The following ARHGEF26 variants were observed in gnomAD, a reference collection of about 807,000 sequenced individuals.
ARHGEF26 encodes the protein Rho guanine nucleotide exchange factor 26.
In ARHGEF26, 59 loss-of-function variants were observed where a neutral mutation model predicts 89.4. That is an observed-to-expected ratio of 0.66 (90% CI 0.54 to 0.82). ARHGEF26 has a LOEUF of 0.82. ARHGEF26 is among the 40% of genes least tolerant of loss of function. The probability of loss-of-function intolerance (pLI) is 0.00; values close to 1 mark genes in which losing one functional copy is unlikely to be tolerated. For synonymous variants in ARHGEF26, 500 were observed against 428.4 expected (o/e 1.17, Z -2.06); for missense variants, 1,234 against 1,085.6 (o/e 1.14, Z -1.92).
Position 154,189,334 on chromosome 3 carries a change from A to ATTT in ARHGEF26, c.1640+1516_1640+1518dup, listed in dbSNP as rs35633646. Among the ~76,000 whole-genome samples the ATTT allele has an allele frequency of 5.4e-4, 61 of 112,264 alleles. 1 individual carries two copies. Among genetic ancestry groups the ATTT allele is most frequent in the Non-Finnish European group, 7.3e-4 (41 of 56,396 alleles). The allele number at this position is 112,264 out of a possible 152,430, so 73.6% of individuals were successfully genotyped here. On this transcript the variant is annotated intron_variant, in intron 7 of 14. Coordinates refer to ENST00000465093, the MANE Select transcript of ARHGEF26 (RefSeq NM_015595.4). ...CAGGGGATTTGTTGCAGTTGATGTG[A>ATTT]TTTTTTTTTTTTTTTTTTTTTGAGA...
chr3:154,183,558 A>AT (rs1367255924), intron 6 of ARHGEF26, among the ~76,000 whole-genome samples: 1 of 152,116 alleles, frequency 6.6e-6, no homozygotes, highest in African/African-American at 2.4e-5. Context: ...ATCATACCTC[A>AT]TTTTTTAGAA....
chr3:154,129,843 G>A, intron 4 of ARHGEF26, 124 bp downstream of exon 4: 1 of 1,162,016 alleles, frequency 8.6e-7, no homozygotes, highest in South Asian at 1.7e-5. Flanking sequence ...ACTCTTTTTA[G>A]ATTGTGAAAT....
At chr3:154,219,962 CAGTT>C (rs1406214594) in intron 10 of ARHGEF26, among the ~76,000 whole-genome samples, 5 of 130,318 alleles carry the variant, frequency 3.8e-5, no homozygotes, top group African/African-American at 1.5e-4. Context: ...TGATTAACAT[CAGTT>C]GAGTTCCTGA....
intron 6 of ARHGEF26, among the ~76,000 whole-genome samples, chr3:154,162,419 G>C (rs541672051): frequency 6.6e-6 from 1 of 152,218 alleles, no homozygotes; most frequent in South Asian, 2.1e-4. Flanking sequence ...TAGCATCTGG[G>C]CATCAATTTT....
At chr3:154,228,436 C>CTTTTTTTTTTTTTT (rs71744878) in intron 11 of ARHGEF26, among the ~76,000 whole-genome samples, 2 of 141,546 alleles carry the variant, frequency 1.4e-5, no homozygotes, top group Non-Finnish European at 3.1e-5. Context: ...CGCACCTGGC[C>CTTTTTTTTTTTTTT]TTTTTTTTTT....
At chr3:154,138,543 A>C (rs6794263) in intron 4 of ARHGEF26, among the ~76,000 whole-genome samples, 31,453 of 152,154 alleles carry the variant, frequency 0.21, 4,096 homozygotes, top group East Asian at 0.47. Flanking sequence ...TTCTGAGAGA[A>C]CAGTGAAGTG....
intron 12 of ARHGEF26, among the ~76,000 whole-genome samples, chr3:154,246,802 TG>T: frequency 6.6e-6 from 1 of 152,318 alleles, no homozygotes; most frequent in South Asian, 2.1e-4. Flanking sequence ...CAGGACCAAC[TG>T]ATGGATTGGA....
At chr3:154,186,863 T>C in intron 6 of ARHGEF26, among the ~76,000 whole-genome samples, 1 of 149,432 alleles carries the variant, frequency 6.7e-6, no homozygotes, top group East Asian at 2.0e-4. Flanking sequence ...GAAAAAAACA[T>C]ATACTGTTAG....
intron 6 of ARHGEF26, among the ~76,000 whole-genome samples, chr3:154,173,428 A>G (rs9876852): frequency 0.18 from 27,711 of 152,174 alleles, 2,955 homozygotes; most frequent in South Asian, 0.37. Context: ...TACTCCTGTA[A>G]TTGAACTGTA....
intron 6 of ARHGEF26, among the ~76,000 whole-genome samples, chr3:154,163,789 T>A (rs1158174146): frequency 4.6e-5 from 7 of 152,222 alleles, no homozygotes; most frequent in Non-Finnish European, 8.8e-5. Flanking sequence ...ATCTTTAGCA[T>A]AAGCAGTCTG....
rs562588042 is a variant in ARHGEF26 at position 154,139,352 on chromosome 3, C to T, written c.1269+9633C>T. ...TGTACTTTTAAATATATCATATACT[C>T]GGATGACTTCCAAGTTATTGCTTAC... On this transcript the variant is annotated intron_variant, in intron 4 of 14. Transcript: ENST00000465093. Among the ~76,000 whole-genome samples the T allele has an allele frequency of 5.3e-5, 8 of 152,248 alleles. No individual in the cohort carries two copies. The South Asian group carries it at 6.2e-4, about 12-fold the overall frequency.
chr3:154,169,413 G>A (rs971064893), intron 6 of ARHGEF26, among the ~76,000 whole-genome samples: 1 of 152,106 alleles, frequency 6.6e-6, no homozygotes, highest in Non-Finnish European at 1.5e-5. Flanking sequence ...GTTTCCAGCT[G>A]AGGTTGAACA....
chr3:154,168,655 C>A (rs1404033617), intron 6 of ARHGEF26, among the ~76,000 whole-genome samples: 2 of 152,094 alleles, frequency 1.3e-5, no homozygotes, highest in Non-Finnish European at 2.9e-5. Context: ...ACTGAGAAGC[C>A]CAGACGCGTT....
At chr3:154,195,971 G>A (rs1442309832) in intron 9 of ARHGEF26, among the ~76,000 whole-genome samples, 1 of 151,938 alleles carries the variant, frequency 6.6e-6, no homozygotes, top group African/African-American at 2.4e-5. Flanking sequence ...GAAGAGGAAG[G>A]AAAACCGTAA....
rs775386067 is a variant in ARHGEF26 at position 154,122,512 on chromosome 3, A to G, written c.520A>G (p.Thr174Ala). 1.2e-6 allele frequency: 2 copies of G among 1,613,250 alleles called. No homozygotes were observed. The highest frequency in any genetic ancestry group is 2.2e-5 in the South Asian group (2 of 91,076). The part of the protein sequence containing the change: ...GLTASPVPSP[T>A]ANGLAANNDS... Reference sequence around the variant, plus strand: ...GACTGCCAGCCCGGTGCCTTCGCCCACTGCAAATGGCCTTGCCGCTAATAA... The same window carrying G: ...GACTGCCAGCCCGGTGCCTTCGCCCGCTGCAAATGGCCTTGCCGCTAATAA... The change falls in exon 2 of 15, where the codon ACT (threonine) becomes GCT (alanine). Residue 174 changes from threonine (T) to alanine (A), a missense_variant. Coordinates refer to ENST00000465093, the MANE Select transcript of ARHGEF26 (RefSeq NM_015595.4).
At chr3:154,208,301 G>T (rs901055825) in intron 9 of ARHGEF26, among the ~76,000 whole-genome samples, 7 of 152,124 alleles carry the variant, frequency 4.6e-5, no homozygotes, top group African/African-American at 1.4e-4. Flanking sequence ...CCCTTGCCTT[G>T]GTCCCTCAAA....
chr3:154,155,421 C>T (rs1720275803), intron 6 of ARHGEF26, among the ~76,000 whole-genome samples: 1 of 151,924 alleles, frequency 6.6e-6, no homozygotes, highest in Non-Finnish European at 1.5e-5. Flanking sequence ...AGAGAATTAT[C>T]TGCTTAATAA....
At chr3:154,179,056 C>A (rs1439709960) in intron 6 of ARHGEF26, among the ~76,000 whole-genome samples, 1 of 152,156 alleles carries the variant, frequency 6.6e-6, no homozygotes, top group African/African-American at 2.4e-5. Context: ...TTTCCAAGTT[C>A]TTGCGTAGAT....
In ARHGEF26 at chr3:154,240,563, C is replaced by G; in HGVS notation, c.2284C>G (p.Leu762Val). 1 of 1,610,630 alleles carries G rather than the reference C, an allele frequency of 6.2e-7. No homozygotes were observed. The highest frequency in any genetic ancestry group is 8.5e-7 in the Non-Finnish European group (1 of 1,178,306). Reference sequence around the variant, plus strand: ...CGCGAATGAGAAAGTGGAGATGCTACTAGGAGCTGAGACGCAGTAAGTATA... The same window carrying G: ...CGCGAATGAGAAAGTGGAGATGCTAGTAGGAGCTGAGACGCAGTAAGTATA... ...NHANEKVEML[L>V]GAETQSERAR... Residue 762 changes from leucine to valine, a missense_variant, in exon 12 of 15, where the codon CTA becomes GTA. Coordinates refer to ENST00000465093, the MANE Select transcript of ARHGEF26 (RefSeq NM_015595.4).
Sources: gnomAD v4.1 joint callset for allele counts (sites outside exome capture counted in the v4.1 genomes callset) on GRCh38, gnomAD v4.1.1 for gene constraint, MANE v1.5 for transcripts, NCBI Gene and HGNC (gene_info 2026-07-23, HGNC 2026-07-21) for gene names.